PKHD1L1: variants seen among roughly 807,000 people sequenced by gnomAD.
PKHD1L1 encodes fibrocystin-L.
PKHD1L1 carries 434 observed loss-of-function variants against 462.9 expected under a neutral mutation model. That is an observed-to-expected ratio of 0.94 (90% CI 0.87 to 1.02). PKHD1L1 has a LOEUF of 1.02. Ranked by LOEUF, PKHD1L1 falls within the 50% of genes least tolerant of loss-of-function variation. PKHD1L1 has a pLI of 0.00. For synonymous variants in PKHD1L1, 1,781 were observed against 1,750.0 expected (o/e 1.02, Z -0.44); for missense variants, 5,202 against 5,096.1 (o/e 1.02, Z -0.63).
chr8:109,472,091 T>TTA (rs1554585230), intron 50 of PKHD1L1, among the ~76,000 whole-genome samples: 10 of 151,676 alleles, frequency 6.6e-5, no homozygotes, highest in South Asian at 2.1e-4. Flanking sequence ...GTTTATTTTT[T>TTA]AAAAAAAATA....
At chr8:109,431,503 C>A (rs78531791) in intron 27 of PKHD1L1, among the ~76,000 whole-genome samples, 3,815 of 152,118 alleles carry the variant, frequency 0.025, 156 homozygotes, top group African/African-American at 0.088. Flanking sequence ...TGTATTCTTC[C>A]ATGACATTTT....
At chr8:109,396,675 C>T (rs2130514955) in intron 11 of PKHD1L1, among the ~76,000 whole-genome samples, 1 of 152,260 alleles carries the variant, frequency 6.6e-6, no homozygotes, top group African/African-American at 2.4e-5. Context: ...TGTGGTTATG[C>T]TTCACTTTTA....
At chr8:109,435,402 C>T in intron 29 of PKHD1L1, 48 bp downstream of exon 29, 5 of 1,573,360 alleles carry the variant, frequency 3.2e-6, no homozygotes, top group Non-Finnish European at 3.5e-6. Context: ...GCATTTCCAT[C>T]AGTTCAATGT....
intron 2 of PKHD1L1, among the ~76,000 whole-genome samples, chr8:109,368,330 G>A (rs189657905): frequency 1.3e-5 from 2 of 152,276 alleles, no homozygotes; most frequent in Admixed American, 1.3e-4. Context: ...AGTCTGACTG[G>A]CTTTCAATTC....
intron 21 of PKHD1L1, among the ~76,000 whole-genome samples, chr8:109,418,375 G>A (rs10092693): frequency 0.3 from 45,195 of 151,944 alleles, 7,303 homozygotes; most frequent in Admixed American, 0.43. Context: ...AAATGGGACT[G>A]TAAGGTACCC....
chr8:109,507,637 C>A, intron 68 of PKHD1L1, 26 bp from the exon 69 acceptor site: 1 of 1,570,442 alleles, frequency 6.4e-7, no homozygotes, highest in Non-Finnish European at 8.8e-7. Flanking sequence ...AAACAATGAA[C>A]TGAATAATTC....
chr8:109,475,373 C>A, intron 51 of PKHD1L1, 104 bp downstream of exon 51: 1 of 972,838 alleles, frequency 1.0e-6, no homozygotes, highest in Non-Finnish European at 1.4e-6. Context: ...GGACTTTCAT[C>A]ACAAATTGAG....
chr8:109,444,025 A>G (rs1219317981), intron 37 of PKHD1L1, 123 bp downstream of exon 37: 1 of 820,718 alleles, frequency 1.2e-6, no homozygotes. Context: ...CATACAATTC[A>G]CCCACTTAAA....
rs2131078628 is a variant in PKHD1L1 at position 109,536,540 on chromosome 8, T to G, written c.*6450T>G. 6.6e-6 allele frequency among the ~76,000 whole-genome samples: 1 copy of G among 152,356 alleles called. No homozygotes were observed. The highest frequency in any genetic ancestry group is 2.1e-4 in the South Asian group (1 of 4,830). On this transcript the variant is annotated 3_prime_UTR_variant, in exon 78 of 78. Coordinates refer to ENST00000378402, the MANE Select transcript of PKHD1L1 (RefSeq NM_177531.6). ...AGATGCTGTTCCCATCAACTCTACT[T>G]AATTCATAATATAGCTGAACTCTGT... is the stretch of plus-strand genomic sequence containing the variant.
At chr8:109,424,699 A>T (rs537899894) in intron 23 of PKHD1L1, among the ~76,000 whole-genome samples, 11 of 152,254 alleles carry the variant, frequency 7.2e-5, no homozygotes, top group East Asian at 5.8e-4. Flanking sequence ...ACTATTTTTT[A>T]AAAAATCATT....
At chr8:109,518,142 ATGT>A in intron 72 of PKHD1L1, 22 bp from the exon 73 acceptor site, 1 of 1,390,902 alleles carries the variant, frequency 7.2e-7, no homozygotes, top group Non-Finnish European at 1.0e-6. Flanking sequence ...CTTAGCTGTG[ATGT>A]TCTGGCTTTT....
In PKHD1L1 at chr8:109,469,960, T is replaced by C. The variant is rs188673855; in HGVS notation, c.8605+3191T>C. Among the ~76,000 whole-genome samples the C allele has an allele frequency of 5.3e-3, 806 of 152,328 alleles. 3 individuals are homozygous for C. The highest frequency in any genetic ancestry group is 8.6e-3 in the Admixed American group (132 of 15,286). ...TTTAGTATTTCCCATTACTGTATCA[T>C]AGAATAGTTTCTTATTTAATCATCC... On this transcript the variant is annotated intron_variant, in intron 50 of 77. Transcript: ENST00000378402.
intron 4 of PKHD1L1, 106 bp from the exon 5 acceptor site, chr8:109,383,964 A>T: frequency 2.5e-6 from 2 of 789,528 alleles, no homozygotes; most frequent in Non-Finnish European, 2.2e-6. Flanking sequence ...CATGACAGTT[A>T]CATTATGAAT....
At chr8:109,502,967 C>A (rs6995033) in intron 67 of PKHD1L1, among the ~76,000 whole-genome samples, 1 of 152,144 alleles carries the variant, frequency 6.6e-6, no homozygotes, top group East Asian at 1.9e-4. Flanking sequence ...TACATAATCT[C>A]TCAGGTGAGG....
intron 28 of PKHD1L1, among the ~76,000 whole-genome samples, chr8:109,433,869 A>G (rs1475481532): frequency 6.6e-6 from 1 of 152,142 alleles, no homozygotes; most frequent in Non-Finnish European, 1.5e-5. Context: ...TTGCACCTGT[A>G]TTATTGGTGT....
At position 109,522,762 on chromosome 8, in the gene PKHD1L1, G is replaced by A; in HGVS notation, c.12202G>A (p.Glu4068Lys). ...GWIKVTAQPV[E>K]RSAFPVHHVA... ...TTCACAGGTGACTGCCCAGCCAGTT[G>A]AAAGGTCTGCATTTCCTGTTCATCA... Residue 4068 changes from glutamate (E) to lysine (K), a missense_variant, in exon 75 of 78, where the codon GAA (glutamate) becomes AAA (lysine). This residue lies in a region of PKHD1L1 where 698 missense variants were observed against 736.3 expected (regional missense o/e 0.95). Coordinates refer to ENST00000378402, the MANE Select transcript of PKHD1L1 (RefSeq NM_177531.6). 6.2e-7 allele frequency: 1 copy of A among 1,610,580 alleles called. No individual in the cohort carries two copies.
At chr8:109,434,052 A>C (rs1396620779) in intron 28 of PKHD1L1, among the ~76,000 whole-genome samples, 1 of 152,096 alleles carries the variant, frequency 6.6e-6, no homozygotes, top group Non-Finnish European at 1.5e-5. Context: ...CATAAGTGGG[A>C]GTTGAACAAT....
intron 46 of PKHD1L1, among the ~76,000 whole-genome samples, chr8:109,459,165 T>A (rs1563567922): frequency 6.6e-6 from 1 of 152,088 alleles, no homozygotes; most frequent in Non-Finnish European, 1.5e-5. Flanking sequence ...TATCATGGGA[T>A]GCTTAGAAAC....
At position 109,362,647 on chromosome 8, in the gene PKHD1L1, A is replaced by T. The variant is rs766533622; in HGVS notation, c.67A>T (p.Ser23Cys). Residue 23 changes from serine (S) to cysteine (C), a missense_variant, in exon 1 of 78, where the codon AGC (serine) becomes TGC (cysteine). Around this residue, in one of 3 missense-constraint regions of PKHD1L1, gnomAD observed 4,497 missense variants for 4,336.8 expected, o/e 1.04. Coordinates refer to ENST00000378402, the MANE Select transcript of PKHD1L1 (RefSeq NM_177531.6). ...CGLLLCAADPSTDGSQIIPKV... is the reference protein window; with the variant it reads ...CGLLLCAADPCTDGSQIIPKV... ...GCTGCTCCTGTGTGCCGCGGATCCCAGCACAGGTAACCCTTTGGGCACGCT... is the reference window on the plus strand; with the variant it reads ...GCTGCTCCTGTGTGCCGCGGATCCCTGCACAGGTAACCCTTTGGGCACGCT... 3.7e-6 allele frequency: 6 copies of T among 1,601,984 alleles called. No homozygotes were observed. Among genetic ancestry groups the T allele is most frequent in the Non-Finnish European group, 5.1e-6 (6 of 1,174,282 alleles).
Sources: allele counts gnomAD v4.1 joint callset (sites outside exome capture counted in the v4.1 genomes callset), GRCh38; gene constraint gnomAD v4.1.1; regional missense constraint gnomAD v4.1.1; transcripts MANE v1.5; gene names NCBI Gene and HGNC (gene_info 2026-07-23, HGNC 2026-07-21).